Variants in CD72 observed in about 807,000 individuals in gnomAD.
The protein encoded by CD72 is CD72 molecule, also known as B-cell differentiation antigen CD72.
CD72 carries 28 observed loss-of-function variants against 50.7 expected under a neutral mutation model. The observed-to-expected ratio is 0.55, with a 90% CI of 0.41 to 0.76. CD72 has a LOEUF of 0.76. CD72 is among the 30% of genes least tolerant of loss of function. The probability of loss-of-function intolerance (pLI) is 0.00; values close to 1 mark genes in which losing one functional copy is unlikely to be tolerated. For synonymous variants in CD72, 176 were observed against 171.2 expected (o/e 1.03, Z -0.22); for missense variants, 403 against 420.6 (o/e 0.96, Z 0.37).
At chr9:35,625,019 A>G (rs1319789810) in intron 1 of CD72, among the ~76,000 whole-genome samples, 2 of 152,140 alleles carry the variant, frequency 1.3e-5, no homozygotes, top group Non-Finnish European at 2.9e-5. Flanking sequence ...TAAAATTAGG[A>G]CAGTTAATAA....
chr9:35,627,250 A>G (rs1185320406), intron 1 of CD72, among the ~76,000 whole-genome samples: 2 of 150,850 alleles, frequency 1.3e-5, no homozygotes, highest in East Asian at 3.9e-4. Flanking sequence ...TCACCCTTCC[A>G]AGTAGCTGGG....
intron 3 of CD72, 182 bp downstream of exon 3, chr9:35,616,994 C>T (rs1210732841): frequency 1.5e-5 from 21 of 1,442,594 alleles, no homozygotes; most frequent in Non-Finnish European, 1.9e-5. Flanking sequence ...CGCAGGGGGG[C>T]GGTGCACGTC....
intron 1 of CD72, among the ~76,000 whole-genome samples, chr9:35,626,273 T>G (rs1369252592): frequency 2.0e-5 from 3 of 152,050 alleles, no homozygotes; most frequent in Non-Finnish European, 4.4e-5. Context: ...AGGAAGTAAC[T>G]GCAGCTCTGA....
chr9:35,640,609 C>A (rs1261567220), intron 1 of CD72, among the ~76,000 whole-genome samples: 2 of 152,222 alleles, frequency 1.3e-5, no homozygotes, highest in Non-Finnish European at 2.9e-5. Context: ...GGGTCAGGAG[C>A]ACAGCAGACA....
intron 1 of CD72, among the ~76,000 whole-genome samples, chr9:35,633,577 T>G (rs1823265638): frequency 6.6e-6 from 1 of 152,176 alleles, no homozygotes; most frequent in African/African-American, 2.4e-5. Context: ...AAGTGTACAA[T>G]CCTATGAGTT....
chr9:35,624,841 A>C (rs1362072206), intron 1 of CD72, among the ~76,000 whole-genome samples: 1 of 152,192 alleles, frequency 6.6e-6, no homozygotes, highest in Non-Finnish European at 1.5e-5. Context: ...ATCTGTGATC[A>C]GTGATTTTTG....
chr9:35,618,425 A>G (rs1425896941), upstream of CD72: 6 of 1,546,236 alleles, frequency 3.9e-6, no homozygotes, highest in Middle Eastern at 3.4e-4. Context: ...CGGCTTAGCA[A>G]TTGGCCCTGT....
chr9:35,617,501 A>C (rs1382574262), intron 2 of CD72, among the ~76,000 whole-genome samples: 1 of 151,862 alleles, frequency 6.6e-6, no homozygotes, highest in East Asian at 1.9e-4. Context: ...TCGTTTCCTC[A>C]GAGGCCCCTT....
intron 1 of CD72, among the ~76,000 whole-genome samples, chr9:35,637,767 T>C (rs1823304475): frequency 6.6e-6 from 1 of 152,148 alleles, no homozygotes; most frequent in Non-Finnish European, 1.5e-5. Flanking sequence ...GCCTTGGTCA[T>C]TCACCCACAT....
upstream of CD72, among the ~76,000 whole-genome samples, chr9:35,622,064 T>TGGTTAAAGAGACCAGCCTTGCCACAG (rs1490736905): frequency 1.3e-5 from 2 of 152,234 alleles, no homozygotes; most frequent in Non-Finnish European, 2.9e-5. Context: ...AGGGAGACTC[T>TGGTTAAAGAGACCAGCCTTGCCACAG]GGTTAAAGAG....
At chr9:35,613,345 C>G (rs186873711) in intron 5 of CD72, among the ~76,000 whole-genome samples, 1 of 152,092 alleles carries the variant, frequency 6.6e-6, no homozygotes, top group Non-Finnish European at 1.5e-5. Flanking sequence ...ACATCCTCCA[C>G]TCCTCCAGCA....
At position 35,618,034 on chromosome 9, in the gene CD72, G is replaced by T. The variant is rs756567871; in HGVS notation, c.170C>A (p.Ser57Tyr). The T allele has an allele frequency of 2.5e-6, 4 of 1,612,398 alleles. No homozygotes were observed. In the South Asian group the frequency reaches 3.3e-5, roughly 13 times the overall value. The change falls in exon 2 of 9, where the codon TCT becomes TAT. Residue 57 changes from serine (S) to tyrosine (Y), a missense_variant. Physicochemically the swap from Ser to Tyr is moderately radical, Grantham distance 144 (BLOSUM62 -2). Coordinates refer to ENST00000259633, the MANE Select transcript of CD72 (RefSeq NM_001782.3). ...CAGACCTGCTTTGTCCCCTAGTACA[G>T]AAGAAGCCAAGCTTGAGGGCACCCC... ...VLGVPSSLASSVLGDKAAVKS... is the reference protein window; with the variant it reads ...VLGVPSSLASYVLGDKAAVKS...
At chr9:35,645,410 C>T (rs551727356) in intron 1 of CD72, among the ~76,000 whole-genome samples, 7 of 151,772 alleles carry the variant, frequency 4.6e-5, no homozygotes, top group Non-Finnish European at 8.8e-5. Flanking sequence ...GGTGAAACCC[C>T]GTCTCTATTA....
At chr9:35,610,553 C>A in intron 8 of CD72, 49 bp downstream of exon 8, 1 of 1,184,986 alleles carries the variant, frequency 8.4e-7, no homozygotes, top group Non-Finnish European at 1.2e-6. Context: ...TGCTCTGAGT[C>A]CCTCTGCCCC....
At chr9:35,614,805 G>A (rs1006941880) in intron 5 of CD72, among the ~76,000 whole-genome samples, 4 of 152,092 alleles carry the variant, frequency 2.6e-5, no homozygotes, top group African/African-American at 9.7e-5. Flanking sequence ...GTTCGATACC[G>A]GCCAGGGAAA....
intron 7 of CD72, 53 bp downstream of exon 7, chr9:35,611,751 T>C (rs1822989508): frequency 1.0e-6 from 1 of 954,156 alleles, no homozygotes; most frequent in South Asian, 1.3e-5. Flanking sequence ...TTACCATGTC[T>C]TTATGGAGGG....
chr9:35,613,508 C>T (rs1823019428), intron 5 of CD72, among the ~76,000 whole-genome samples: 1 of 152,064 alleles, frequency 6.6e-6, no homozygotes, highest in South Asian at 2.1e-4. Context: ...AATAAATATC[C>T]CTCTTTCTTC....
chr9:35,633,570 T>G lies in CD72; in HGVS notation n.408+12833A>C, dbSNP rs550326658. 5.9e-5 allele frequency among the ~76,000 whole-genome samples: 9 copies of G among 152,312 alleles called. No homozygotes were observed. The East Asian group carries it at 1.3e-3, about 23-fold the overall frequency. ...ATACAACAAATTGATCCATTTTAAG[T>G]GTACAATCCTATGAGTTTTGACAAG... On this transcript the variant is annotated intron_variant and non_coding_transcript_variant, in intron 1 of 3. Coordinates refer to the CD72 transcript ENST00000465754.
At chr9:35,631,813 C>T (rs1319538891) in intron 1 of CD72, among the ~76,000 whole-genome samples, 4 of 152,120 alleles carry the variant, frequency 2.6e-5, no homozygotes, top group African/African-American at 9.7e-5. Context: ...TGGCGTGAAC[C>T]CGGGAGACGG....
Sources: gnomAD v4.1 joint callset for allele counts (sites outside exome capture counted in the v4.1 genomes callset) on GRCh38, gnomAD v4.1.1 for gene constraint, MANE v1.5 for transcripts, NCBI Gene and HGNC (gene_info 2026-07-23, HGNC 2026-07-21) for gene names.